Variants in SLC35D1 observed in about 807,000 individuals in gnomAD.
SLC35D1 encodes solute carrier family 35 member D1.
In SLC35D1, 31 loss-of-function variants were observed where a neutral mutation model predicts 46.7. The observed-to-expected ratio is 0.66, with a 90% CI of 0.50 to 0.90. The LOEUF is 0.90. Among genes scored for constraint, SLC35D1 ranks in the 40% least tolerant of loss-of-function variants. The pLI, the probability that SLC35D1 is intolerant of heterozygous loss-of-function variation, is 0.00. For missense variants in SLC35D1, 397 were observed against 426.2 expected, an observed-to-expected ratio of 0.93 and a Z score of 0.60; for synonymous variants, 195 against 164.6, an observed-to-expected ratio of 1.18 and a Z score of -1.41.
At chr1:67,035,784 G>A (rs1490167688) in intron 8 of SLC35D1, among the ~76,000 whole-genome samples, 1 of 144,788 alleles carries the variant, frequency 6.9e-6, no homozygotes, top group African/African-American at 2.5e-5. Context: ...TGTATCATTA[G>A]GTTGTTTATT....
chr1:67,004,461 A>G lies in SLC35D1; in HGVS notation c.960-13T>C, dbSNP rs1667405291. ...GCTCCCAGCAATGCTGCAAAACAGA[A>G]AGCCACTATCAGAGATGGAGGAAGG... is the stretch of plus-strand genomic sequence containing the variant. On this transcript the variant is annotated splice_polypyrimidine_tract_variant and intron_variant, in intron 11 of 11. Transcript: ENST00000235345. The G allele has an allele frequency of 6.2e-7, 1 of 1,611,162 alleles. No individual in the cohort carries two copies. The highest frequency in any genetic ancestry group is 1.3e-5 in the African/African-American group (1 of 74,892).
chr1:67,040,564 G>A (rs2102341041), intron 8 of SLC35D1, among the ~76,000 whole-genome samples: 1 of 152,256 alleles, frequency 6.6e-6, no homozygotes, highest in South Asian at 2.1e-4. Context: ...GAAGAGTCTG[G>A]TCTTTGCAGG....
chr1:67,018,441 C>A (rs1003821268), intron 10 of SLC35D1, among the ~76,000 whole-genome samples: 1 of 152,124 alleles, frequency 6.6e-6, no homozygotes, highest in Non-Finnish European at 1.5e-5. Context: ...GTATCCTAAG[C>A]AAGGCTGGCT....
rs751361340 is a variant in SLC35D1 at position 67,054,044 on chromosome 1, G to A, written c.-31C>T. Reference sequence around the variant, plus strand: ...CCGCAGCAGCGGTGGCCTGGCGGCGGGGCCTAGCGGCTCGGGGGCCTGCAG... The same window carrying A: ...CCGCAGCAGCGGTGGCCTGGCGGCGAGGCCTAGCGGCTCGGGGGCCTGCAG... On this transcript the variant is annotated 5_prime_UTR_variant, in exon 1 of 12. Coordinates refer to ENST00000235345, the MANE Select transcript of SLC35D1 (RefSeq NM_015139.3). 20 of 1,603,448 alleles carry A rather than the reference G, an allele frequency of 1.2e-5. No individual in the cohort carries two copies. Among genetic ancestry groups the A allele is most frequent in the Non-Finnish European group, 1.4e-5 (17 of 1,174,728 alleles).
At position 67,009,112 on chromosome 1, in the gene SLC35D1, C is replaced by G; in HGVS notation, c.932G>C (p.Trp311Ser). Reference protein sequence around the residue: ...MVFGGDYIFTWTNFIGLNISI... With the variant: ...MVFGGDYIFTSTNFIGLNISI... ...GATATTTAAACCAATGAAGTTTGTC[C>G]ACGTGAAAATATAATCTCCACCAAA... The change falls in exon 11 of 12, where the codon TGG becomes TCG. Residue 311 changes from tryptophan to serine, a missense_variant. By Grantham distance (177) the Trp-to-Ser change is radical (BLOSUM62 -3). Transcript: ENST00000235345. 6.6e-7 allele frequency: 1 copy of G among 1,514,616 alleles called. No homozygotes were observed. Among genetic ancestry groups the G allele is most frequent in the Non-Finnish European group, 9.1e-7 (1 of 1,093,176 alleles). The allele number at this position is 1,514,616 out of a possible 1,614,324, so 93.8% of individuals were successfully genotyped here. A position where few individuals can be genotyped will look rare whatever the true frequency, so the allele number is the denominator to read the frequency against.
chr1:66,990,988 GTC>G, the SLC35D1 span, among the ~76,000 whole-genome samples: 1 of 152,230 alleles, frequency 6.6e-6, no homozygotes, highest in South Asian at 2.1e-4. Context: ...ATAATCATTT[GTC>G]TCTCCTGCTT....
At chr1:66,997,876 T>C (rs752014751), downstream of SLC35D1, among the ~76,000 whole-genome samples, 5 of 150,554 alleles carry the variant, frequency 3.3e-5, no homozygotes, top group Non-Finnish European at 5.9e-5. Flanking sequence ...GGGGTTAAAA[T>C]CCAGAATATA....
chr1:67,009,289 G>C, intron 10 of SLC35D1, 122 bp from the exon 11 acceptor site: 1 of 426,874 alleles, frequency 2.3e-6, no homozygotes, highest in Non-Finnish European at 4.3e-6. Context: ...GACAAACAAT[G>C]AAAACGCACC....
At chr1:66,975,542 G>T in the SLC35D1 span, among the ~76,000 whole-genome samples, 1 of 93,278 alleles carries the variant, frequency 1.1e-5, no homozygotes. Context: ...AAAAGAAAAA[G>T]AAAGGAAAAA....
chr1:67,031,192 C>CT (rs987024354), intron 8 of SLC35D1, among the ~76,000 whole-genome samples: 4 of 151,472 alleles, frequency 2.6e-5, no homozygotes, highest in African/African-American at 4.9e-5. Flanking sequence ...TCTCATGGGA[C>CT]TTTTTTTTTA....
intron 10 of SLC35D1, among the ~76,000 whole-genome samples, chr1:67,013,088 A>G (rs1217290393): frequency 6.8e-6 from 1 of 147,972 alleles, no homozygotes. Context: ...TGTGGTTAAA[A>G]GTCAGCTTAA....
intron 8 of SLC35D1, among the ~76,000 whole-genome samples, chr1:67,036,313 A>C (rs540127916): frequency 6.0e-4 from 92 of 152,204 alleles, no homozygotes; most frequent in Admixed American, 6.0e-3. Context: ...ATTGGGATCT[A>C]TCTCTCTCTT....
intron 11 of SLC35D1, among the ~76,000 whole-genome samples, chr1:67,007,531 T>C (rs17129589): frequency 0.19 from 29,025 of 152,178 alleles, 5,078 homozygotes; most frequent in African/African-American, 0.47. Flanking sequence ...TGGTTGTAAC[T>C]TGAGGCAACA....
At chr1:67,039,727 G>C (rs1414714913) in intron 8 of SLC35D1, among the ~76,000 whole-genome samples, 2 of 152,144 alleles carry the variant, frequency 1.3e-5, no homozygotes, top group South Asian at 2.1e-4. Context: ...CAGTTTATCA[G>C]CACTGATTAT....
the SLC35D1 span, chr1:66,986,980 C>G: frequency 6.7e-6 from 1 of 149,024 alleles, no homozygotes; most frequent in African/African-American, 2.5e-5. Flanking sequence ...TAAAAAGATG[C>G]ATTTTATTTG....
rs935600146 is a variant in SLC35D1, at chr1:67,031,902, T to C, written c.730-10300A>G. On this transcript the variant is annotated intron_variant, in intron 8 of 11. Coordinates refer to ENST00000235345, the MANE Select transcript of SLC35D1 (RefSeq NM_015139.3). ...TTTTTATTCTCCCTAAGATAGGAAA[T>C]AGAAGGCATGGTGAACATACATTTT... 1.4e-4 allele frequency: 32 copies of C among 236,422 alleles called. No individual in the cohort carries two copies. In the Admixed American group the frequency reaches 1.5e-3, roughly 11 times the overall value. 14.6% of individuals were successfully genotyped at this position (236,422 alleles called of 1,614,324 possible). A position where few individuals can be genotyped will look rare whatever the true frequency, so the allele number is the denominator to read the frequency against.
intron 7 of SLC35D1, 84 bp downstream of exon 7, chr1:67,047,181 C>G (rs1645260460): frequency 9.2e-7 from 1 of 1,084,606 alleles, no homozygotes; most frequent in Non-Finnish European, 1.4e-6. Flanking sequence ...CCAGTAAGAA[C>G]TTTCTTTATT....
At chr1:67,024,351 A>C (rs1293338366) in intron 8 of SLC35D1, among the ~76,000 whole-genome samples, 3 of 152,190 alleles carry the variant, frequency 2.0e-5, no homozygotes, top group Non-Finnish European at 4.4e-5. Flanking sequence ...ATAACTTTTT[A>C]ATGAAACCTG....
downstream of SLC35D1, among the ~76,000 whole-genome samples, chr1:66,998,315 C>A (rs183119846): frequency 6.6e-6 from 1 of 151,998 alleles, no homozygotes; most frequent in Non-Finnish European, 1.5e-5. Context: ...ATGATGAAAA[C>A]CCGTCTCTAC....
Sources: gnomAD v4.1 joint callset for allele counts (sites outside exome capture counted in the v4.1 genomes callset) on GRCh38, gnomAD v4.1.1 for gene constraint, MANE v1.5 for transcripts, NCBI Gene and HGNC (gene_info 2026-07-23, HGNC 2026-07-21) for gene names.